The following CALN1 variants were observed in gnomAD, a reference collection of about 807,000 sequenced individuals.
The protein encoded by CALN1 is calneuron 1.
In CALN1, 17 loss-of-function variants were observed where a neutral mutation model predicts 30.6. The observed-to-expected ratio is 0.56, with a 90% CI of 0.38 to 0.83. The LOEUF (loss-of-function observed/expected upper bound fraction) is 0.83, where lower values mean the gene tolerates loss of function less well. Ranked by LOEUF, CALN1 falls within the 40% of genes least tolerant of loss-of-function variation. The pLI is 0.00. For missense variants in CALN1, 291 were observed against 354.9 expected (o/e 0.82, Z 1.45); for synonymous variants, 156 against 131.4 (o/e 1.19, Z -1.28).
intron 5 of CALN1, among the ~76,000 whole-genome samples, chr7:71,914,689 C>G (rs963915488): frequency 6.6e-6 from 1 of 152,042 alleles, no homozygotes; most frequent in Non-Finnish European, 1.5e-5. Context: ...CCTTTTACTA[C>G]ACAAACTTGC....
intron 1 of CALN1, among the ~76,000 whole-genome samples, chr7:72,424,848 C>G (rs1278333602): frequency 6.6e-6 from 1 of 152,144 alleles, no homozygotes; most frequent in East Asian, 1.9e-4. Context: ...TCTCTTGCCT[C>G]AACCTCCTGA....
intron 2 of CALN1, among the ~76,000 whole-genome samples, chr7:72,299,043 G>T (rs1173437578): frequency 6.6e-6 from 1 of 151,972 alleles, no homozygotes; most frequent in South Asian, 2.1e-4. Flanking sequence ...CCCTAACCAG[G>T]CACTTGTGTC....
chr7:72,293,390 A>G (rs956684214), intron 2 of CALN1, among the ~76,000 whole-genome samples: 1 of 152,214 alleles, frequency 6.6e-6, no homozygotes, highest in African/African-American at 2.4e-5. Context: ...ATTCAAAGCA[A>G]GAACCACTAA....
the CALN1 span, among the ~76,000 whole-genome samples, chr7:72,495,227 C>G: frequency 1.3e-5 from 2 of 152,130 alleles, no homozygotes; most frequent in African/African-American, 4.8e-5. Flanking sequence ...TGAGTCCACC[C>G]TTTAAATTTC....
At chr7:71,797,305 G>A (rs1233322702) in intron 6 of CALN1, among the ~76,000 whole-genome samples, 1 of 152,164 alleles carries the variant, frequency 6.6e-6, no homozygotes, top group East Asian at 1.9e-4. Context: ...CTCAACTCAG[G>A]TGATTCTTAG....
At chr7:71,997,205 C>G (rs896759748) in intron 5 of CALN1, among the ~76,000 whole-genome samples, 1 of 151,506 alleles carries the variant, frequency 6.6e-6, no homozygotes, top group African/African-American at 2.4e-5. Context: ...TGCTCTCCAG[C>G]CTGGGCTACA....
chr7:72,496,336 C>T, the CALN1 span, among the ~76,000 whole-genome samples: 5 of 152,110 alleles, frequency 3.3e-5, no homozygotes, highest in South Asian at 2.1e-4. Flanking sequence ...TTTTTAAATA[C>T]TTTTTTCTTC....
intron 3 of CALN1, among the ~76,000 whole-genome samples, chr7:72,138,556 G>A (rs1037193690): frequency 2.9e-4 from 18 of 62,524 alleles, no homozygotes; most frequent in African/African-American, 9.6e-4. Flanking sequence ...CAAAGGAGAC[G>A]GGGACTGCCC....
At chr7:72,465,230 G>T in the CALN1 span, among the ~76,000 whole-genome samples, 2 of 152,164 alleles carry the variant, frequency 1.3e-5, no homozygotes, top group Non-Finnish European at 2.9e-5. Flanking sequence ...CACCTCATCC[G>T]AGAAGTCTTC....
chr7:72,358,968 A>AAAC (rs1803401808), intron 2 of CALN1, among the ~76,000 whole-genome samples: 1 of 151,586 alleles, frequency 6.6e-6, no homozygotes, highest in South Asian at 2.1e-4. Context: ...TACCTCAAAA[A>AAAC]AAAAAAAAAA....
chr7:72,495,931 G>GT, the CALN1 span, among the ~76,000 whole-genome samples: 4 of 152,020 alleles, frequency 2.6e-5, no homozygotes, highest in African/African-American at 9.7e-5. Context: ...ATTGTTTTCA[G>GT]TTTTTTTGTT....
At chr7:72,308,919 C>G (rs1442392235) in intron 2 of CALN1, among the ~76,000 whole-genome samples, 1 of 152,192 alleles carries the variant, frequency 6.6e-6, no homozygotes, top group Non-Finnish European at 1.5e-5. Flanking sequence ...ATGCAACTAA[C>G]TCATGCAGGA....
chr7:72,260,879 C>T (rs1164961286), intron 3 of CALN1, among the ~76,000 whole-genome samples: 1 of 152,162 alleles, frequency 6.6e-6, no homozygotes, highest in Non-Finnish European at 1.5e-5. Context: ...TCTATCATCC[C>T]TACGGTGCTT....
intron 5 of CALN1, among the ~76,000 whole-genome samples, chr7:71,938,525 G>A (rs1174687572): frequency 1.3e-5 from 2 of 152,050 alleles, no homozygotes; most frequent in East Asian, 1.9e-4. Context: ...GGCCGGGCAC[G>A]GTGGCTCATG....
chr7:72,138,078 T>A (rs556237672), intron 3 of CALN1, among the ~76,000 whole-genome samples: 1 of 152,278 alleles, frequency 6.6e-6, no homozygotes, highest in African/African-American at 2.4e-5. Flanking sequence ...TGGTGAAATA[T>A]TACACACATT....
At chr7:72,012,010 A>G (rs77984702) in intron 5 of CALN1, among the ~76,000 whole-genome samples, 9 of 152,280 alleles carry the variant, frequency 5.9e-5, no homozygotes, top group Admixed American at 3.3e-4. Context: ...TGGGTTAAAC[A>G]CTTGAGGATA....
At chr7:72,366,229 A>G (rs1412622852) in intron 2 of CALN1, among the ~76,000 whole-genome samples, 1 of 151,792 alleles carries the variant, frequency 6.6e-6, no homozygotes, top group Non-Finnish European at 1.5e-5. Context: ...GCTGGAGTGC[A>G]GTGGCGCCAT....
At chr7:72,057,991 C>T (rs1185418428) in intron 4 of CALN1, among the ~76,000 whole-genome samples, 2 of 152,170 alleles carry the variant, frequency 1.3e-5, no homozygotes, top group African/African-American at 4.8e-5. Context: ...TTTTCTAAGT[C>T]GTGCAGAAGT....
intron 2 of CALN1, among the ~76,000 whole-genome samples, chr7:72,340,838 T>C (rs574529687): frequency 3.5e-4 from 53 of 152,260 alleles, no homozygotes; most frequent in African/African-American, 1.2e-3. Flanking sequence ...TCTCACAAGA[T>C]CTGATGGTTT....
Sources: gnomAD v4.1 joint callset for allele counts (sites outside exome capture counted in the v4.1 genomes callset) on GRCh38, gnomAD v4.1.1 for gene constraint, MANE v1.5 for transcripts, NCBI Gene and HGNC (gene_info 2026-07-23, HGNC 2026-07-21) for gene names.